NWD2: variants seen among roughly 807,000 people sequenced by gnomAD.
The protein encoded by NWD2 is NACHT and WD repeat domain-containing protein 2.
A neutral mutation model predicts 132.7 loss-of-function variants in NWD2; 37 were observed. That is an observed-to-expected ratio of 0.28 (90% CI 0.21 to 0.37). The LOEUF is 0.37. Ranked by LOEUF, NWD2 falls within the 10% of genes least tolerant of loss-of-function variation. NWD2 has a pLI of 1.00. For missense variants in NWD2, 1,592 were observed against 2,122.4 expected (o/e 0.75, Z 4.91); for synonymous variants, 705 against 803.0 (o/e 0.88, Z 2.06).
intron 4 of NWD2, among the ~76,000 whole-genome samples, chr4:37,432,364 GAAAAAAAA>G (rs71185140): frequency 3.6e-5 from 5 of 138,570 alleles, no homozygotes; most frequent in African/African-American, 1.3e-4. Context: ...GGGTGAAGAA[GAAAAAAAA>G]AAAAAAAAAA....
chr4:37,255,890 C>T (rs1483489981), intron 1 of NWD2, among the ~76,000 whole-genome samples: 2 of 152,066 alleles, frequency 1.3e-5, no homozygotes, highest in Non-Finnish European at 2.9e-5. Flanking sequence ...ACAGGTGGCA[C>T]GAGCTGTGGT....
rs982621783 is a variant in NWD2 at position 37,263,161 on chromosome 4, G to A, written c.151+17943G>A. On this transcript the variant is annotated intron_variant, in intron 1 of 6. Transcript: ENST00000309447. ...ATGGTCCAGCTTTCACAGCTGCTGA[G>A]ATCCCAGAGTATTTTATATTATTAG... 4.6e-5 allele frequency among the ~76,000 whole-genome samples: 7 copies of A among 152,290 alleles called. No homozygotes were observed. In the East Asian group the frequency reaches 7.7e-4, roughly 17 times the overall value.
chr4:37,277,151 G>T (rs1186748209), intron 1 of NWD2, among the ~76,000 whole-genome samples: 1 of 150,706 alleles, frequency 6.6e-6, no homozygotes, highest in Non-Finnish European at 1.5e-5. Flanking sequence ...AAAAAAGTCA[G>T]CCATTAATTG....
At chr4:37,401,495 A>G (rs972155843) in intron 3 of NWD2, among the ~76,000 whole-genome samples, 9 of 152,118 alleles carry the variant, frequency 5.9e-5, no homozygotes, top group African/African-American at 2.2e-4. Context: ...TGCTTTGGGT[A>G]CTTCCCAGGT....
chr4:37,278,908 C>G (rs935844900), intron 1 of NWD2, among the ~76,000 whole-genome samples: 1 of 152,126 alleles, frequency 6.6e-6, no homozygotes, highest in Non-Finnish European at 1.5e-5. Flanking sequence ...CATACTCAAC[C>G]CCCTGTAGAA....
chr4:37,328,705 A>G (rs1425442187), intron 2 of NWD2, among the ~76,000 whole-genome samples: 2 of 152,168 alleles, frequency 1.3e-5, no homozygotes, highest in African/African-American at 4.8e-5. Context: ...CAACAAACAT[A>G]CATGTGCATG....
chr4:37,275,516 G>A (rs544489714), intron 1 of NWD2, among the ~76,000 whole-genome samples: 2 of 152,118 alleles, frequency 1.3e-5, no homozygotes, highest in African/African-American at 2.4e-5. Flanking sequence ...GTAATTTATA[G>A]ATTCAATGCC....
chr4:37,328,761 T>G (rs924632542), intron 2 of NWD2, among the ~76,000 whole-genome samples: 3 of 152,160 alleles, frequency 2.0e-5, no homozygotes, highest in African/African-American at 7.2e-5. Context: ...CCTCTTCTCC[T>G]CTAGAGATGC....
rs57981065 is a variant in NWD2, at chr4:37,364,691, TACACACAC to T, written c.357+8236_357+8243del. Among the ~76,000 whole-genome samples, 66 of 146,672 alleles carry T rather than the reference TACACACAC, an allele frequency of 4.5e-4. No individual in the cohort carries two copies. The South Asian group carries it at 6.5e-3, about 14-fold the overall frequency. The stretch of plus-strand genomic sequence containing the variant: ...GTCAGAGCAGACTTCTACCTCCACT[TACACACAC>T]ACACACACACACACACACACACACA... On this transcript the variant is annotated intron_variant, in intron 3 of 6. Transcript: ENST00000309447.
intron 2 of NWD2, among the ~76,000 whole-genome samples, chr4:37,351,171 G>C (rs998064768): frequency 6.6e-6 from 1 of 152,162 alleles, no homozygotes; most frequent in African/African-American, 2.4e-5. Context: ...CCAGGTTTTG[G>C]TATCAGAATG....
intron 3 of NWD2, among the ~76,000 whole-genome samples, chr4:37,363,473 A>G (rs984033962): frequency 6.6e-6 from 1 of 152,214 alleles, no homozygotes; most frequent in African/African-American, 2.4e-5. Context: ...GCAAGAAATT[A>G]TGTTCTTTGT....
intron 1 of NWD2, among the ~76,000 whole-genome samples, chr4:37,260,774 A>G (rs924273210): frequency 6.6e-6 from 1 of 152,166 alleles, no homozygotes; most frequent in Non-Finnish European, 1.5e-5. Context: ...TGATTTTTTT[A>G]AAAAACATCA....
At chr4:37,357,805 G>A (rs936589) in intron 3 of NWD2, among the ~76,000 whole-genome samples, 52,124 of 151,868 alleles carry the variant, frequency 0.34, 10,253 homozygotes, top group Middle Eastern at 0.5. Context: ...ACCAGCGAGG[G>A]GAGAGATTTG....
At chr4:37,372,153 C>T (rs1419082835) in intron 3 of NWD2, among the ~76,000 whole-genome samples, 1 of 151,976 alleles carries the variant, frequency 6.6e-6, no homozygotes, top group African/African-American at 2.4e-5. Flanking sequence ...TTGTCTCTAC[C>T]TCAACACTAT....
At chr4:37,340,713 G>C (rs1719503070) in intron 2 of NWD2, among the ~76,000 whole-genome samples, 1 of 152,200 alleles carries the variant, frequency 6.6e-6, no homozygotes. Flanking sequence ...TAGGCAGAGA[G>C]AACATACTTT....
intron 2 of NWD2, among the ~76,000 whole-genome samples, chr4:37,339,365 A>G (rs974518791): frequency 1.6e-4 from 25 of 152,204 alleles, no homozygotes; most frequent in African/African-American, 5.8e-4. Flanking sequence ...AGACTTCTCA[A>G]GGCAGTATTA....
At chr4:37,347,376 T>C (rs1263705573) in intron 2 of NWD2, among the ~76,000 whole-genome samples, 1 of 152,148 alleles carries the variant, frequency 6.6e-6, no homozygotes, top group African/African-American at 2.4e-5. Flanking sequence ...TACCAGTTGT[T>C]CCTCCCTTTA....
Position 37,394,806 on chromosome 4 carries a change from T to TTTTGTTTTGTTTTG in NWD2, c.358-35763_358-35762insGTTTTGTTTTGTTT, listed in dbSNP as rs1720750392. On this transcript the variant is annotated intron_variant, in intron 3 of 6. Coordinates refer to ENST00000309447, the MANE Select transcript of NWD2 (RefSeq NM_001144990.2). ...CTATAGTGAACCTTTATGGTTTTTT[T>TTTTGTTTTGTTTTG]TTTTTTTTTTTTTTTTTTTTTTGAG... 7.0e-5 allele frequency among the ~76,000 whole-genome samples: 7 copies of TTTTGTTTTGTTTTG among 100,504 alleles called. 1 individual carries two copies. Among genetic ancestry groups the TTTTGTTTTGTTTTG allele is most frequent in the Non-Finnish European group, 1.2e-4 (6 of 49,710 alleles). The allele number at this position is 100,504 out of a possible 152,430, so 65.9% of individuals were successfully genotyped here.
chr4:37,314,347 T>C (rs1560392499), intron 1 of NWD2, among the ~76,000 whole-genome samples: 1 of 152,180 alleles, frequency 6.6e-6, no homozygotes, highest in African/African-American at 2.4e-5. Flanking sequence ...TTCTGAAAGA[T>C]TTGCAAAGGA....
Sources: gnomAD v4.1 joint callset for allele counts (sites outside exome capture counted in the v4.1 genomes callset) on GRCh38, gnomAD v4.1.1 for gene constraint, MANE v1.5 for transcripts, NCBI Gene and HGNC (gene_info 2026-07-23, HGNC 2026-07-21) for gene names.